The following EFCAB11 variants were observed in gnomAD, a reference collection of about 807,000 sequenced individuals.
EFCAB11 encodes the protein EF-hand calcium-binding domain-containing protein 11.
Under a neutral mutation model 23.0 loss-of-function variants are expected in EFCAB11, and 14 were observed. The observed-to-expected ratio is 0.61, with a 90% CI of 0.40 to 0.95. The LOEUF (loss-of-function observed/expected upper bound fraction) is 0.95, where lower values mean the gene tolerates loss of function less well. Ranked by LOEUF, EFCAB11 falls within the 40% of genes least tolerant of loss-of-function variation. The probability of loss-of-function intolerance (pLI) is 0.00; values close to 1 mark genes in which losing one functional copy is unlikely to be tolerated. For missense variants in EFCAB11, 198 were observed against 195.8 expected, an observed-to-expected ratio of 1.01 and a Z score of -0.07; for synonymous variants, 65 against 66.6, an observed-to-expected ratio of 0.98 and a Z score of 0.11.
chr14:89,899,275 T>A (rs769675630), intron 5 of EFCAB11, among the ~76,000 whole-genome samples: 1 of 152,194 alleles, frequency 6.6e-6, no homozygotes, highest in African/African-American at 2.4e-5. Flanking sequence ...TGAAACATAA[T>A]GTAAATCTTA....
At chr14:89,805,725 C>T (rs916726356) in intron 5 of EFCAB11, among the ~76,000 whole-genome samples, 2 of 152,148 alleles carry the variant, frequency 1.3e-5, no homozygotes, top group African/African-American at 4.8e-5. Context: ...TAGTCACTGA[C>T]CCAATAAATT....
At chr14:89,859,953 A>T (rs1160991682) in intron 5 of EFCAB11, among the ~76,000 whole-genome samples, 2 of 152,190 alleles carry the variant, frequency 1.3e-5, no homozygotes, top group African/African-American at 2.4e-5. Context: ...TTCATTGCTG[A>T]GGAACTCTAG....
Position 89,796,617 on chromosome 14 carries a change from T to G in EFCAB11, c.*626A>C, listed in dbSNP as rs1465782926. 3 of 152,220 alleles carry G rather than the reference T, an allele frequency of 2.0e-5. No individual in the cohort carries two copies. Among genetic ancestry groups the G allele is most frequent in the African/African-American group, 7.2e-5 (3 of 41,446 alleles). 9.4% of individuals were successfully genotyped at this position (152,220 alleles called of 1,614,324 possible). A position where few individuals can be genotyped will look rare whatever the true frequency, so the allele number is the denominator to read the frequency against. ...GCATGAGCCTATCTTAGAGAAGTCT[T>G]AAGCCTATGCTTCCCAAGGCCTGGC... On this transcript the variant is annotated 3_prime_UTR_variant, in exon 6 of 6. Transcript: ENST00000316738.
At chr14:89,834,556 C>A (rs545441896) in intron 5 of EFCAB11, among the ~76,000 whole-genome samples, 28 of 152,218 alleles carry the variant, frequency 1.8e-4, no homozygotes, top group African/African-American at 6.3e-4. Flanking sequence ...CAGAACTCTG[C>A]GGAAGACATT....
chr14:89,833,174 T>C (rs895772276), intron 5 of EFCAB11: 3 of 150,904 alleles, frequency 2.0e-5, no homozygotes, highest in Non-Finnish European at 3.0e-5. Flanking sequence ...GACAAGAGTT[T>C]TCCCTATTTA....
intron 5 of EFCAB11, among the ~76,000 whole-genome samples, chr14:89,854,731 C>T (rs575489874): frequency 3.9e-5 from 6 of 152,190 alleles, no homozygotes; most frequent in Non-Finnish European, 8.8e-5. Context: ...CTGTCCCCTG[C>T]CATACTGAAT....
At chr14:89,856,166 T>G (rs527866532) in intron 5 of EFCAB11, among the ~76,000 whole-genome samples, 2 of 150,972 alleles carry the variant, frequency 1.3e-5, no homozygotes, top group East Asian at 3.9e-4. Context: ...ATATGGTAGT[T>G]CTATTTTTAA....
chr14:89,831,476 C>A (rs1049384101), intron 5 of EFCAB11, among the ~76,000 whole-genome samples: 4 of 152,194 alleles, frequency 2.6e-5, no homozygotes, highest in Admixed American at 2.6e-4. Flanking sequence ...TGTGATATCA[C>A]TACAATAATA....
chr14:89,900,804 T>C lies in EFCAB11; in HGVS notation c.410+30737A>G, dbSNP rs538371625. Among the ~76,000 whole-genome samples the C allele has an allele frequency of 4.6e-5, 7 of 152,344 alleles. No homozygotes were observed. The South Asian group carries it at 8.3e-4, about 18-fold the overall frequency. On this transcript the variant is annotated intron_variant, in intron 5 of 5. Transcript: ENST00000316738. ...CTTCTAGAGCTTACCTTTGCCAACA[T>C]GAAAGGTAAATTATTGCTTTTTTTC...
intron 5 of EFCAB11, among the ~76,000 whole-genome samples, chr14:89,883,008 C>T (rs1888650328): frequency 6.6e-6 from 1 of 152,146 alleles, no homozygotes; most frequent in Non-Finnish European, 1.5e-5. Context: ...CTTTCTTTTG[C>T]TTCCTCTCTT....
intron 5 of EFCAB11, among the ~76,000 whole-genome samples, chr14:89,856,569 C>G (rs1405553316): frequency 6.6e-6 from 1 of 152,040 alleles, no homozygotes; most frequent in Non-Finnish European, 1.5e-5. Context: ...ATAAGAGTTC[C>G]CTCCTCTACA....
intron 5 of EFCAB11, among the ~76,000 whole-genome samples, chr14:89,809,495 C>T (rs1886080861): frequency 6.6e-6 from 1 of 152,162 alleles, no homozygotes; most frequent in African/African-American, 2.4e-5. Flanking sequence ...AAAAAGATCA[C>T]GCTCATCATT....
intron 5 of EFCAB11, among the ~76,000 whole-genome samples, chr14:89,808,306 C>T (rs1217382834): frequency 6.6e-6 from 1 of 152,080 alleles, no homozygotes; most frequent in Non-Finnish European, 1.5e-5. Flanking sequence ...ATGGCCAGAT[C>T]CTGAAGGATA....
rs572839184 is a variant in EFCAB11, at chr14:89,932,558, A to C, written c.287T>G (p.Val96Gly). 2 of 1,613,922 alleles carry C rather than the reference A, an allele frequency of 1.2e-6. No homozygotes were observed. Among genetic ancestry groups the C allele is most frequent in the African/African-American group, 1.3e-5 (1 of 75,052 alleles). Reference protein sequence around the residue: ...KKEAQRYRNEVRHIFTAFDTY... With the variant: ...KKEAQRYRNEGRHIFTAFDTY... ...GTCAAAGGCTGTGAAGATGTGTCTT[A>C]CTTCGTTCCGATATCGTTGAGCTTC... The change falls in exon 4 of 6, where the codon GTA becomes GGA. Residue 96 changes from valine to glycine, a missense_variant. Coordinates refer to ENST00000316738, the MANE Select transcript of EFCAB11 (RefSeq NM_145231.4).
intron 2 of EFCAB11, among the ~76,000 whole-genome samples, chr14:89,952,904 G>A (rs1891220833): frequency 6.6e-6 from 1 of 152,102 alleles, no homozygotes; most frequent in Non-Finnish European, 1.5e-5. Flanking sequence ...ACAATATCTT[G>A]ACTCTGACTA....
At chr14:89,852,679 TG>T (rs1887633975) in intron 5 of EFCAB11, among the ~76,000 whole-genome samples, 1 of 152,266 alleles carries the variant, frequency 6.6e-6, no homozygotes, top group African/African-American at 2.4e-5. Flanking sequence ...TCTTTCTAGA[TG>T]TTTTATTCCT....
intron 5 of EFCAB11, among the ~76,000 whole-genome samples, chr14:89,886,449 C>T (rs1406979392): frequency 4.0e-5 from 5 of 125,436 alleles, no homozygotes; most frequent in South Asian, 2.8e-4. Context: ...ACCCTGGGGG[C>T]GGAGCTTGCA....
Position 89,912,519 on chromosome 14 carries a change from A to T in EFCAB11, c.410+19022T>A, listed in dbSNP as rs147008218. ...TTAGTTAGCATTGTTTTTCCTTCAA[A>T]TTTCTATACTGCTCTATTGAAATAT... On this transcript the variant is annotated intron_variant, in intron 5 of 5. Coordinates refer to ENST00000316738, the MANE Select transcript of EFCAB11 (RefSeq NM_145231.4). Among the ~76,000 whole-genome samples, 1,071 of 152,192 alleles carry T rather than the reference A, an allele frequency of 7.0e-3. 14 individuals are homozygous for T. The highest frequency in any genetic ancestry group is 0.012 in the Non-Finnish European group (799 of 68,010).
At chr14:89,849,612 T>TG (rs1364715186) in intron 5 of EFCAB11, among the ~76,000 whole-genome samples, 1 of 150,768 alleles carries the variant, frequency 6.6e-6, no homozygotes, top group African/African-American at 2.4e-5. Flanking sequence ...ATCTGTTTTT[T>TG]TTTTTTTTTT....
Sources: allele counts gnomAD v4.1 joint callset (sites outside exome capture counted in the v4.1 genomes callset), GRCh38; gene constraint gnomAD v4.1.1; transcripts MANE v1.5; gene names NCBI Gene and HGNC (gene_info 2026-07-23, HGNC 2026-07-21).